Variants in SMARCAL1 observed in about 807,000 individuals in gnomAD.
SMARCAL1 encodes SNF2 related chromatin remodeling annealing helicase 1.
In SMARCAL1, 58 loss-of-function variants were observed where a neutral mutation model predicts 94.5. That is an observed-to-expected ratio of 0.61 (90% CI 0.50 to 0.76). The LOEUF (loss-of-function observed/expected upper bound fraction) is 0.76. SMARCAL1 is among the 30% of genes least tolerant of loss of function. The probability of loss-of-function intolerance (pLI) is 0.00; values close to 1 mark genes in which losing one functional copy is unlikely to be tolerated. For missense variants in SMARCAL1, 1,051 were observed against 1,177.9 expected, an observed-to-expected ratio of 0.89 and a Z score of 1.58; for synonymous variants, 422 against 455.1, an observed-to-expected ratio of 0.93 and a Z score of 0.93.
In SMARCAL1 at chr2:216,459,177, A is replaced by G. The variant is rs111885081; in HGVS notation, c.2071-5420A>G. On this transcript the variant is annotated intron_variant, in intron 12 of 17. Transcript: ENST00000357276. ...AACTAAAAACCACTGGCTCAACGAA[A>G]TAAAAGAGGATACAGACAAATGGAA... 3.2e-3 allele frequency among the ~76,000 whole-genome samples: 493 copies of G among 152,348 alleles called. 2 individuals are homozygous for G. Among genetic ancestry groups the G allele is most frequent in the African/African-American group, 0.012 (480 of 41,570 alleles).
At chr2:216,418,320 A>T (rs1693648744) in intron 4 of SMARCAL1, among the ~76,000 whole-genome samples, 1 of 152,218 alleles carries the variant, frequency 6.6e-6, no homozygotes, top group African/African-American at 2.4e-5. Flanking sequence ...AAGAGAAAAA[A>T]AATTCTCCAT....
chr2:216,458,939 G>A (rs141835941), intron 12 of SMARCAL1, among the ~76,000 whole-genome samples: 32,588 of 152,064 alleles, frequency 0.21, 3,782 homozygotes, highest in East Asian at 0.36. Context: ...AAGCCCCATC[G>A]TCTCAGCCCC....
intron 8 of SMARCAL1, among the ~76,000 whole-genome samples, chr2:216,433,988 T>G (rs1231520285): frequency 6.6e-6 from 1 of 151,390 alleles, no homozygotes; most frequent in African/African-American, 2.4e-5. Context: ...TGAGTTCTTT[T>G]TTTTTTTAAT....
At chr2:216,445,815 A>G (rs549041455) in intron 10 of SMARCAL1, among the ~76,000 whole-genome samples, 12 of 152,354 alleles carry the variant, frequency 7.9e-5, no homozygotes, top group African/African-American at 2.4e-4. Flanking sequence ...GAGGGCACAA[A>G]TGCGTTTAGA....
At chr2:216,454,523 T>C (rs571985535) in intron 12 of SMARCAL1, among the ~76,000 whole-genome samples, 1 of 152,284 alleles carries the variant, frequency 6.6e-6, no homozygotes, top group East Asian at 1.9e-4. Flanking sequence ...GTGTGACAAG[T>C]ATACTCATTT....
intron 8 of SMARCAL1, among the ~76,000 whole-genome samples, chr2:216,434,486 A>G (rs765267863): frequency 1.3e-5 from 2 of 152,108 alleles, no homozygotes; most frequent in Admixed American, 6.5e-5. Flanking sequence ...GAAACTTACC[A>G]TCTAGTTAGA....
intron 12 of SMARCAL1, among the ~76,000 whole-genome samples, chr2:216,453,814 G>C (rs1374783372): frequency 6.6e-6 from 1 of 152,210 alleles, no homozygotes; most frequent in Non-Finnish European, 1.5e-5. Flanking sequence ...GTCAAGAATT[G>C]ATTCTTTGTT....
chr2:216,433,190 T>C (rs1335510323), intron 8 of SMARCAL1, among the ~76,000 whole-genome samples: 2 of 152,170 alleles, frequency 1.3e-5, no homozygotes, highest in African/African-American at 4.8e-5. Context: ...TTTTTATTTT[T>C]CTTTTTTATT....
At chr2:216,417,489 C>G (rs2449774) in intron 4 of SMARCAL1, among the ~76,000 whole-genome samples, 67,228 of 151,994 alleles carry the variant, frequency 0.44, 15,418 homozygotes, top group Non-Finnish European at 0.51. Flanking sequence ...TTTGTGTGTG[C>G]AAATCCCTAG....
At chr2:216,443,150 G>A (rs1392903863) in intron 10 of SMARCAL1, among the ~76,000 whole-genome samples, 1 of 152,068 alleles carries the variant, frequency 6.6e-6, no homozygotes, top group East Asian at 1.9e-4. Context: ...AAGCTGAGGT[G>A]GGCAGATCAC....
intron 12 of SMARCAL1, among the ~76,000 whole-genome samples, chr2:216,457,999 G>C (rs934027573): frequency 2.6e-5 from 4 of 152,030 alleles, no homozygotes; most frequent in Non-Finnish European, 5.9e-5. Flanking sequence ...AATGATAAAG[G>C]GGTATCACCA....
chr2:216,431,442 TTCACTGTTTCA>T (rs1413012141), intron 7 of SMARCAL1, among the ~76,000 whole-genome samples: 2 of 152,232 alleles, frequency 1.3e-5, no homozygotes, highest in Non-Finnish European at 2.9e-5. Flanking sequence ...CTTTTAGCTT[TTCACTGTTTCA>T]TCATGCGACA....
intron 12 of SMARCAL1, among the ~76,000 whole-genome samples, chr2:216,452,459 A>G (rs1694470436): frequency 6.6e-6 from 1 of 152,022 alleles, no homozygotes; most frequent in South Asian, 2.1e-4. Flanking sequence ...ATATTTTTAG[A>G]TGCAAAGAGC....
chr2:216,436,122 C>A (rs1013390627), intron 9 of SMARCAL1, among the ~76,000 whole-genome samples: 7 of 152,180 alleles, frequency 4.6e-5, no homozygotes, highest in African/African-American at 1.4e-4. Context: ...GCACTTGCCA[C>A]CACGCCCAGC....
intron 12 of SMARCAL1, among the ~76,000 whole-genome samples, chr2:216,463,588 C>T (rs2106071817): frequency 6.6e-6 from 1 of 152,268 alleles, no homozygotes; most frequent in South Asian, 2.1e-4. Context: ...TAAATGTTAT[C>T]TCACATTATT....
Position 216,420,028 on chromosome 2 carries a change from C to CAA in SMARCAL1, c.863-253_863-252dup, listed in dbSNP as rs60555710. Among the ~76,000 whole-genome samples the CAA allele has an allele frequency of 3.0e-3, 120 of 40,034 alleles. 5 individuals are homozygous for CAA. In the East Asian group the frequency reaches 0.034, roughly 11 times the overall value. 26.3% of individuals were successfully genotyped at this position (40,034 alleles called of 152,430 possible). ...TAGGTGACAGAGCAAGACCCCGTCTCAAAAAAAAAAAAAAAAAAAGAAAAA... is the reference window on the plus strand; with the variant it reads ...TAGGTGACAGAGCAAGACCCCGTCTCAAAAAAAAAAAAAAAAAAAAAGAAAAA... On this transcript the variant is annotated intron_variant, in intron 4 of 17. Transcript: ENST00000357276.
intron 16 of SMARCAL1, 131 bp from the exon 17 acceptor site, chr2:216,478,072 C>T: frequency 1.2e-6 from 1 of 828,982 alleles, no homozygotes; most frequent in Non-Finnish European, 2.1e-6. Context: ...GTGTTTGCAC[C>T]TTGAGAGATG....
At position 216,482,433 on chromosome 2, in the gene SMARCAL1, T is replaced by A. The variant is rs1695220993; in HGVS notation, c.2626-305T>A. ...AGTATTGAAATAATGATTTGGAAAGTTCAAAGGGAGAAAACATTTCCAATG... is the reference window on the plus strand; with the variant it reads ...AGTATTGAAATAATGATTTGGAAAGATCAAAGGGAGAAAACATTTCCAATG... On this transcript the variant is annotated intron_variant, in intron 17 of 17. Coordinates refer to ENST00000357276, the MANE Select transcript of SMARCAL1 (RefSeq NM_014140.4). The surrounding 1 kb of genome is among the most constrained non-coding windows in gnomAD (Gnocchi z 4.3). Among the ~76,000 whole-genome samples the A allele has an allele frequency of 6.6e-6, 1 of 152,218 alleles. No individual in the cohort carries two copies. The highest frequency in any genetic ancestry group is 2.4e-5 in the African/African-American group (1 of 41,458).
chr2:216,460,459 G>A (rs1470909608), intron 12 of SMARCAL1, among the ~76,000 whole-genome samples: 1 of 152,068 alleles, frequency 6.6e-6, no homozygotes, highest in Non-Finnish European at 1.5e-5. Context: ...ATGATAGACT[G>A]GATTAAGAAA....
Sources: allele counts gnomAD v4.1 joint callset (sites outside exome capture counted in the v4.1 genomes callset), GRCh38; gene constraint gnomAD v4.1.1; non-coding constraint Gnocchi (gnomAD v3.1); transcripts MANE v1.5; gene names NCBI Gene and HGNC (gene_info 2026-07-23, HGNC 2026-07-21).